The following RBM26 variants were observed in gnomAD, a reference collection of about 807,000 sequenced individuals.
The protein encoded by RBM26 is RNA binding motif protein 26, also known as RNA-binding protein 26.
RBM26 carries 30 observed loss-of-function variants against 123.6 expected under a neutral mutation model. That is an observed-to-expected ratio of 0.24 (90% confidence interval 0.18 to 0.33). The LOEUF is 0.33. RBM26 is among the 10% of genes least tolerant of loss of function. The pLI is 1.00. For missense variants in RBM26, 947 were observed against 1,203.6 expected, an observed-to-expected ratio of 0.79 and a Z score of 3.15; for synonymous variants, 400 against 404.4, an observed-to-expected ratio of 0.99 and a Z score of 0.13.
At chr13:79,394,282 C>T (rs1177022720) in intron 1 of RBM26, among the ~76,000 whole-genome samples, 2 of 152,150 alleles carry the variant, frequency 1.3e-5, no homozygotes, top group Non-Finnish European at 2.9e-5. Flanking sequence ...TGTCAACCTC[C>T]ATAAAGGCTC....
chr13:79,379,543 C>CAA (rs35564097), intron 1 of RBM26, among the ~76,000 whole-genome samples: 34 of 147,244 alleles, frequency 2.3e-4, no homozygotes, highest in Admixed American at 6.8e-4. Flanking sequence ...AACCCTATCT[C>CAA]AAAAAAAAAA....
chr13:79,393,257 C>A (rs1371010006), intron 1 of RBM26, among the ~76,000 whole-genome samples: 2 of 152,036 alleles, frequency 1.3e-5, no homozygotes, highest in Non-Finnish European at 2.9e-5. Context: ...GTCATAAAGG[C>A]AGGAGGTAGG....
chr13:79,317,442 C>T (rs953343857), downstream of RBM26, among the ~76,000 whole-genome samples: 12 of 151,564 alleles, frequency 7.9e-5, no homozygotes, highest in Non-Finnish European at 1.8e-4. Context: ...AAGGAAACAG[C>T]CCTGGATAAG....
chr13:79,319,815 A>G lies in RBM26; in HGVS notation c.*806T>C, dbSNP rs1205651688. ...GTACCAGTAACCATTATTATTAAGAATAAGTTAGTGATTATAGCTCCTTTT... is the reference window on the plus strand; with the variant it reads ...GTACCAGTAACCATTATTATTAAGAGTAAGTTAGTGATTATAGCTCCTTTT... On this transcript the variant is annotated 3_prime_UTR_variant, in exon 22 of 22. Coordinates refer to ENST00000438737, the MANE Select transcript of RBM26 (RefSeq NM_001366735.2). 2 of 979,478 alleles carry G rather than the reference A, an allele frequency of 2.0e-6. No individual in the cohort carries two copies. The highest frequency in any genetic ancestry group is 4.7e-5 in the South Asian group (1 of 21,192). 60.7% of individuals were successfully genotyped at this position (979,478 alleles called of 1,614,324 possible).
chr13:79,340,988 A>C, intron 18 of RBM26, 135 bp downstream of exon 18: 1 of 505,286 alleles, frequency 2.0e-6, no homozygotes, highest in Non-Finnish European at 3.4e-6. Flanking sequence ...TTCCTATATT[A>C]ACATCTCAAT....
chr13:79,313,156 TAC>T (rs2138199293), exon 5 of RBM26: 1 of 151,984 alleles, frequency 6.6e-6, no homozygotes, highest in South Asian at 2.1e-4. Flanking sequence ...AGTGATTCTG[TAC>T]AGTTATCTAC....
intron 20 of RBM26, among the ~76,000 whole-genome samples, chr13:79,327,021 C>G (rs376831599): frequency 6.6e-6 from 1 of 151,910 alleles, no homozygotes; most frequent in East Asian, 1.9e-4. Context: ...CTAGCCTGGG[C>G]GTAGTGACAG....
At chr13:79,337,944 G>A (rs1406327409) in intron 18 of RBM26, among the ~76,000 whole-genome samples, 1 of 152,198 alleles carries the variant, frequency 6.6e-6, no homozygotes, top group African/African-American at 2.4e-5. Context: ...ATGGCCAGGA[G>A]TGGTGGCTCA....
At chr13:79,387,207 AAATAT>A (rs2140335480) in intron 1 of RBM26, among the ~76,000 whole-genome samples, 1 of 152,278 alleles carries the variant, frequency 6.6e-6, no homozygotes, top group Admixed American at 6.5e-5. Context: ...AATTACAAAT[AAATAT>A]AATTACAAAT....
chr13:79,345,838 C>A (rs1566383055), intron 14 of RBM26, among the ~76,000 whole-genome samples: 1 of 151,702 alleles, frequency 6.6e-6, no homozygotes, highest in Non-Finnish European at 1.5e-5. Flanking sequence ...CTTTTCTATA[C>A]AACGGTCAGC....
chr13:79,366,182 TGGA>T lies in RBM26; in HGVS notation c.1146_1148del (p.Pro383del). The T allele has an allele frequency of 6.2e-7, 1 of 1,613,090 alleles. No homozygotes were observed. The highest frequency in any genetic ancestry group is 1.1e-5 in the South Asian group (1 of 90,890). ...TGCCAGATGGCTGCAAAGGAGGAAG[TGGA>T]GGTGGTGGTCCTGTCAAAACCAAAG... On this transcript the variant is annotated inframe_deletion, in exon 8 of 22. Transcript: ENST00000438737.
rs1566419437 is a variant in RBM26 at position 79,354,481 on chromosome 13, A to G, written c.1944T>C (p.Ile648=). ...ERLGPVPSST[I]EPAEAQSASS... ...AGGCACTCTGGGCTTCTGCAGGTTC[A>G]ATAGTACTTGAAGGTACTGGACCCA... Residue 648 remains isoleucine (I), a synonymous_variant, in exon 13 of 22, where the codon ATT becomes ATC. Coordinates refer to ENST00000438737, the MANE Select transcript of RBM26 (RefSeq NM_001366735.2). 1.9e-6 allele frequency: 3 copies of G among 1,605,914 alleles called. No individual in the cohort carries two copies. Among genetic ancestry groups the G allele is most frequent in the Admixed American group, 1.7e-5 (1 of 59,872 alleles).
intron 18 of RBM26, among the ~76,000 whole-genome samples, chr13:79,337,865 T>G (rs950007841): frequency 6.6e-6 from 1 of 152,164 alleles, no homozygotes; most frequent in Non-Finnish European, 1.5e-5. Flanking sequence ...ATGTGCACTT[T>G]CTGTGTGCAA....
intron 1 of RBM26, among the ~76,000 whole-genome samples, chr13:79,387,674 C>T (rs1283942776): frequency 6.6e-6 from 1 of 151,932 alleles, no homozygotes; most frequent in East Asian, 1.9e-4. Context: ...ATTCCAGTAA[C>T]TTTTAGTTAA....
At chr13:79,353,074 T>C in intron 14 of RBM26, 79 bp downstream of exon 14, 3 of 801,792 alleles carry the variant, frequency 3.7e-6, no homozygotes, top group South Asian at 1.8e-5. Flanking sequence ...TTTAGAACTA[T>C]GAAAAAAAAT....
At chr13:79,375,061 T>A (rs371586890) in intron 3 of RBM26, among the ~76,000 whole-genome samples, 6 of 17,506 alleles carry the variant, frequency 3.4e-4, no homozygotes, top group African/African-American at 1.0e-3. Flanking sequence ...ATATTTATAT[T>A]TTTATATATT....
At chr13:79,395,083 G>GC (rs1172596256) in intron 1 of RBM26, among the ~76,000 whole-genome samples, 1 of 152,144 alleles carries the variant, frequency 6.6e-6, no homozygotes, top group African/African-American at 2.4e-5. Flanking sequence ...AAAAAGGCAT[G>GC]CCCCCTTACT....
intron 9 of RBM26, among the ~76,000 whole-genome samples, chr13:79,364,098 T>C (rs1187359407): frequency 2.0e-5 from 3 of 151,148 alleles, no homozygotes; most frequent in African/African-American, 7.3e-5. Flanking sequence ...GGAATCCATA[T>C]ATCCCTCACA....
At chr13:79,388,110 C>G (rs1466387791) in intron 1 of RBM26, among the ~76,000 whole-genome samples, 2 of 152,168 alleles carry the variant, frequency 1.3e-5, no homozygotes, top group Non-Finnish European at 2.9e-5. Context: ...GTCTTCAAAA[C>G]GTTTTATCTA....
Sources: gnomAD v4.1 joint callset for allele counts (sites outside exome capture counted in the v4.1 genomes callset) on GRCh38, gnomAD v4.1.1 for gene constraint, MANE v1.5 for transcripts, NCBI Gene and HGNC (gene_info 2026-07-23, HGNC 2026-07-21) for gene names.